AGBL4: variants seen among roughly 807,000 people sequenced by gnomAD.
AGBL4 encodes cytosolic carboxypeptidase 6.
A neutral mutation model predicts 66.4 loss-of-function variants in AGBL4; 58 were observed. The ratio of observed to expected loss-of-function variants is 0.87; its 90% CI spans 0.71 to 1.09. The LOEUF (loss-of-function observed/expected upper bound fraction) is 1.09. Among genes scored for constraint, AGBL4 ranks in the 50% least tolerant of loss-of-function variants. The probability of loss-of-function intolerance (pLI) is 0.00; values close to 1 mark genes in which losing one functional copy is unlikely to be tolerated. For missense variants in AGBL4, 579 were observed against 631.0 expected (o/e 0.92, Z 0.88); for synonymous variants, 234 against 222.9 (o/e 1.05, Z -0.44).
At chr1:49,899,457 C>T (rs1649553212) in intron 1 of AGBL4, among the ~76,000 whole-genome samples, 1 of 151,302 alleles carries the variant, frequency 6.6e-6, no homozygotes, top group African/African-American at 2.4e-5. Context: ...GTGATTATTA[C>T]ACTTTACATG....
Position 49,652,384 on chromosome 1 carries a change from C to A in AGBL4, c.282+44929G>T, listed in dbSNP as rs556534593. On this transcript the variant is annotated intron_variant, in intron 3 of 13. Transcript: ENST00000371839. ...AGCTATTATACAAGAAGGACATCATCTTGCTTTTCCCACAGATCCTTGCAA... is the reference window on the plus strand; with the variant it reads ...AGCTATTATACAAGAAGGACATCATATTGCTTTTCCCACAGATCCTTGCAA... Among the ~76,000 whole-genome samples the A allele has an allele frequency of 5.3e-5, 8 of 152,278 alleles. No individual in the cohort carries two copies. In the East Asian group the frequency reaches 1.5e-3, roughly 29 times the overall value.
intron 3 of AGBL4, among the ~76,000 whole-genome samples, chr1:49,495,226 C>T (rs1215535107): frequency 6.6e-6 from 1 of 152,088 alleles, no homozygotes; most frequent in Non-Finnish European, 1.5e-5. Flanking sequence ...AAATCCTGTG[C>T]TGATCTTTCA....
At chr1:49,206,520 T>C (rs1354759309) in intron 4 of AGBL4, among the ~76,000 whole-genome samples, 1 of 152,096 alleles carries the variant, frequency 6.6e-6, no homozygotes, top group Non-Finnish European at 1.5e-5. Context: ...CTTTTGACCC[T>C]TTCCAAACAC....
At chr1:49,435,301 G>C (rs983786263) in intron 3 of AGBL4, among the ~76,000 whole-genome samples, 35 of 152,080 alleles carry the variant, frequency 2.3e-4, no homozygotes, top group African/African-American at 8.0e-4. Flanking sequence ...ATCCAATATG[G>C]AGCATAAAAA....
At chr1:48,854,542 T>C (rs12239348) in intron 6 of AGBL4, among the ~76,000 whole-genome samples, 4,821 of 152,268 alleles carry the variant, frequency 0.032, 262 homozygotes, top group African/African-American at 0.11. Context: ...TTATAATTCA[T>C]ATACTTGGCT....
chr1:49,684,023 G>A (rs564928462), intron 3 of AGBL4, among the ~76,000 whole-genome samples: 84 of 152,284 alleles, frequency 5.5e-4, no homozygotes, highest in African/African-American at 2.0e-3. Context: ...GTGAGCACAA[G>A]AGTAGGTCAG....
intron 11 of AGBL4, among the ~76,000 whole-genome samples, chr1:48,576,728 A>G (rs1039460565): frequency 6.6e-6 from 1 of 152,174 alleles, no homozygotes; most frequent in African/African-American, 2.4e-5. Context: ...CACAGTTCCC[A>G]GGGTCGTTGA....
chr1:49,922,464 G>A (rs984359399), intron 1 of AGBL4, among the ~76,000 whole-genome samples: 1 of 152,118 alleles, frequency 6.6e-6, no homozygotes, highest in Non-Finnish European at 1.5e-5. Flanking sequence ...GGGCAATCGG[G>A]AGAGAGAAAG....
At chr1:49,858,119 C>T (rs1646479043) in intron 1 of AGBL4, among the ~76,000 whole-genome samples, 1 of 151,928 alleles carries the variant, frequency 6.6e-6, no homozygotes, top group Non-Finnish European at 1.5e-5. Flanking sequence ...TGAAAAAATG[C>T]TCAACATCAC....
chr1:49,106,766 TC>T (rs1313512817), intron 4 of AGBL4, among the ~76,000 whole-genome samples: 1 of 152,178 alleles, frequency 6.6e-6, no homozygotes, highest in Non-Finnish European at 1.5e-5. Flanking sequence ...AAGGCTTTGT[TC>T]CTCAACTATC....
chr1:48,528,124 C>G (rs756759780), downstream of AGBL4, among the ~76,000 whole-genome samples: 13 of 152,068 alleles, frequency 8.5e-5, no homozygotes, highest in Non-Finnish European at 1.6e-4. Context: ...AAGTAAACTG[C>G]TCTAAATGAT....
At position 49,246,137 on chromosome 1, in the gene AGBL4, G is replaced by T. The variant is rs374902660; in HGVS notation, c.283-273C>A. Among the ~76,000 whole-genome samples, 4 of 151,876 alleles carry T rather than the reference G, an allele frequency of 2.6e-5. No homozygotes were observed. The East Asian group carries it at 7.7e-4, about 29-fold the overall frequency. On this transcript the variant is annotated intron_variant, in intron 3 of 13. Transcript: ENST00000371839. ...GGCCTTGCCAAGCTACTAAAGATCT[G>T]TTTCAGTGTCCTGATCTGAAAAATG...
At chr1:48,967,282 C>T (rs1485424362) in intron 5 of AGBL4, among the ~76,000 whole-genome samples, 1 of 152,090 alleles carries the variant, frequency 6.6e-6, no homozygotes, top group Non-Finnish European at 1.5e-5. Context: ...TGAGTACTTA[C>T]CACTGTCACT....
chr1:48,743,965 A>G (rs1373002992), intron 6 of AGBL4, among the ~76,000 whole-genome samples: 8 of 152,196 alleles, frequency 5.3e-5, no homozygotes, highest in Admixed American at 5.2e-4. Flanking sequence ...TAAGAATGAA[A>G]CTTGCACAAA....
chr1:49,480,246 C>G (rs539308887), intron 3 of AGBL4, among the ~76,000 whole-genome samples: 11 of 152,200 alleles, frequency 7.2e-5, no homozygotes, highest in South Asian at 4.1e-4. Flanking sequence ...AATTTACACT[C>G]CCACCAACAA....
At chr1:49,504,554 T>C (rs1648500900) in intron 3 of AGBL4, among the ~76,000 whole-genome samples, 1 of 152,114 alleles carries the variant, frequency 6.6e-6, no homozygotes, top group Admixed American at 6.6e-5. Flanking sequence ...ACAATTGTTA[T>C]ATTCACTTGA....
At chr1:48,544,659 G>T (rs1378013095) in intron 11 of AGBL4, among the ~76,000 whole-genome samples, 1 of 152,134 alleles carries the variant, frequency 6.6e-6, no homozygotes, top group Admixed American at 6.5e-5. Context: ...ACTTGTACTT[G>T]CTTGCTGAAA....
intron 12 of AGBL4, among the ~76,000 whole-genome samples, chr1:48,539,340 A>G (rs1280802744): frequency 6.6e-6 from 1 of 152,220 alleles, no homozygotes; most frequent in Non-Finnish European, 1.5e-5. Flanking sequence ...GGTAGCACAT[A>G]GAAACACCCA....
intron 6 of AGBL4, among the ~76,000 whole-genome samples, chr1:48,768,880 T>C (rs149487689): frequency 1.8e-4 from 28 of 152,348 alleles, no homozygotes; most frequent in Middle Eastern, 3.4e-3. Flanking sequence ...CAGTGCATTC[T>C]CTGGCCGATG....
Sources: gnomAD v4.1 joint callset for allele counts (sites outside exome capture counted in the v4.1 genomes callset) on GRCh38, gnomAD v4.1.1 for gene constraint, MANE v1.5 for transcripts, NCBI Gene and HGNC (gene_info 2026-07-23, HGNC 2026-07-21) for gene names.